The following PLEKHH1 variants were observed in gnomAD, a reference collection of about 807,000 sequenced individuals.
PLEKHH1 encodes the protein pleckstrin homology domain-containing family H member 1.
In PLEKHH1, 104 loss-of-function variants were observed where a neutral mutation model predicts 160.0. That is an observed-to-expected ratio of 0.65 (90% CI 0.55 to 0.76). The LOEUF (loss-of-function observed/expected upper bound fraction) is 0.76. PLEKHH1 is among the 30% of genes least tolerant of loss of function. PLEKHH1 has a pLI of 0.00. For missense variants in PLEKHH1, 1,427 were observed against 1,724.1 expected (o/e 0.83, Z 3.05); for synonymous variants, 619 against 678.4 (o/e 0.91, Z 1.36).
At chr14:67,544,760 G>C (rs944964329) in intron 2 of PLEKHH1, among the ~76,000 whole-genome samples, 8 of 152,214 alleles carry the variant, frequency 5.3e-5, no homozygotes, top group African/African-American at 1.4e-4. Flanking sequence ...TTAAACATCA[G>C]ATTAGGCACC....
At position 67,562,268 on chromosome 14, in the gene PLEKHH1, G is replaced by T; in HGVS notation, c.637G>T (p.Ala213Ser). 2 of 1,613,522 alleles carry T rather than the reference G, an allele frequency of 1.2e-6. No individual in the cohort carries two copies. The highest frequency in any genetic ancestry group is 2.2e-5 in the South Asian group (2 of 90,988). ...TGGCTCCCAGGCCCAGGGTCTGAAG[G>T]CAGCTGTGCTTGCACCTTCCCCAGG... is the stretch of plus-strand genomic sequence containing the variant. Reference protein sequence around the residue: ...DSGSQAQGLKAAVLAPSPGAL... With the variant: ...DSGSQAQGLKSAVLAPSPGAL... Residue 213 changes from alanine (A) to serine (S), a missense_variant, in exon 7 of 29, where the codon GCA (alanine) becomes TCA (serine). This residue lies in a region of PLEKHH1 where 831 missense variants were observed against 929.2 expected (regional missense o/e 0.89). Coordinates refer to ENST00000329153, the MANE Select transcript of PLEKHH1 (RefSeq NM_020715.3).
chr14:67,582,038 G>T lies in PLEKHH1; in HGVS notation c.3285-31G>T, dbSNP rs762259284. ...CCCATCCCTGTTTGGAATCCCTGCTGAGTCCTGGTTTCTTATTCTCTTCTT... is the reference window on the plus strand; with the variant it reads ...CCCATCCCTGTTTGGAATCCCTGCTTAGTCCTGGTTTCTTATTCTCTTCTT... On this transcript the variant is annotated intron_variant, in intron 23 of 28. Coordinates refer to ENST00000329153, the MANE Select transcript of PLEKHH1 (RefSeq NM_020715.3). This position sits in a 1 kb window ranked among gnomAD's most constrained non-coding sequence, Gnocchi z 5.0. 6.3e-7 allele frequency: 1 copy of T among 1,593,048 alleles called. No individual in the cohort carries two copies. Among genetic ancestry groups the T allele is most frequent in the South Asian group, 1.1e-5 (1 of 88,130 alleles).
rs1276387326 is a variant in PLEKHH1 at position 67,578,775 on chromosome 14, G to A, written c.2849+144G>A. The A allele has an allele frequency of 7.4e-6, 5 of 675,376 alleles. No individual in the cohort carries two copies. The highest frequency in any genetic ancestry group is 4.2e-5 in the Admixed American group (2 of 47,614). 41.8% of individuals were successfully genotyped at this position (675,376 alleles called of 1,614,324 possible). On this transcript the variant is annotated intron_variant, in intron 20 of 28. Coordinates refer to ENST00000329153, the MANE Select transcript of PLEKHH1 (RefSeq NM_020715.3). This position sits in a 1 kb window ranked among gnomAD's most constrained non-coding sequence, Gnocchi z 5.0. ...GGTCGTGGAGACTTCACCCATTGCC[G>A]TGTGCACAAATGGGCACGTGTGGAT... is the stretch of plus-strand genomic sequence containing the variant.
Position 67,569,232 on chromosome 14 carries a change from G to A in PLEKHH1, c.1342+16G>A, listed in dbSNP as rs1312356224. ...GCATGCTGCGGTGAGTTCCAAGTGAGGCTTGGAGGCACCAAACACCCAAGG... is the reference window on the plus strand; with the variant it reads ...GCATGCTGCGGTGAGTTCCAAGTGAAGCTTGGAGGCACCAAACACCCAAGG... On this transcript the variant is annotated intron_variant, in intron 8 of 28. Transcript: ENST00000329153. 1.3e-6 allele frequency: 2 copies of A among 1,578,716 alleles called. No homozygotes were observed. The highest frequency in any genetic ancestry group is 2.7e-5 in the African/African-American group (2 of 74,228).
chr14:67,552,467 A>T (rs1476995144), intron 2 of PLEKHH1, among the ~76,000 whole-genome samples: 1 of 152,230 alleles, frequency 6.6e-6, no homozygotes. Context: ...GTGTCCTTGC[A>T]GGGTGGATAA....
rs755516653 is a variant in PLEKHH1 at position 67,579,743 on chromosome 14, C to G, written c.3050C>G (p.Ser1017Cys). The G allele has an allele frequency of 1.2e-6, 2 of 1,612,888 alleles. No individual in the cohort carries two copies. Among genetic ancestry groups the G allele is most frequent in the East Asian group, 4.5e-5 (2 of 44,860 alleles). Reference sequence around the variant, plus strand: ...CAGGTGGTTGGTTTTGACGGCTCTTCCACGGTTGATGAGTTCCTCCAGCGG... The same window carrying G: ...CAGGTGGTTGGTTTTGACGGCTCTTGCACGGTTGATGAGTTCCTCCAGCGG... ...TYHVVGFDGS[S>C]TVDEFLQRLN... is the part of the protein sequence containing the mutation. Residue 1017 changes from serine to cysteine, a missense_variant, in exon 22 of 29, where the codon TCC becomes TGC. Transcript: ENST00000329153.
chr14:67,586,926 T>C (rs1464294072), intron 28 of PLEKHH1, 148 bp from the exon 29 acceptor site: 6 of 1,541,426 alleles, frequency 3.9e-6, no homozygotes, highest in Non-Finnish European at 8.7e-7. Flanking sequence ...ACAGTTATGA[T>C]TCCCTTTGGA....
rs369160231 is a variant in PLEKHH1 at position 67,557,342 on chromosome 14, A to G, written c.263A>G (p.Lys88Arg). The change falls in exon 4 of 29, where the codon AAA becomes AGA. Residue 88 changes from lysine to arginine, a missense_variant. Lys to Arg is a conservative substitution (Grantham distance 26). This residue lies in a region of PLEKHH1 where 831 missense variants were observed against 929.2 expected (regional missense o/e 0.89). Coordinates refer to ENST00000329153, the MANE Select transcript of PLEKHH1 (RefSeq NM_020715.3). ...NVDSEGSLHR[K>R]YQELLKAIKG... is the part of the protein sequence containing the mutation. ...GACTCTGAGGGGAGCCTGCACCGGA[A>G]ATACCAAGAATTGCTGAAAGCCATA... 83 of 1,613,926 alleles carry G rather than the reference A, an allele frequency of 5.1e-5. 1 individual carries two copies. In the South Asian group the frequency reaches 7.4e-4, roughly 14 times the overall value.
chr14:67,568,270 A>G (rs985937248), intron 7 of PLEKHH1, among the ~76,000 whole-genome samples: 10 of 152,228 alleles, frequency 6.6e-5, no homozygotes, highest in Non-Finnish European at 1.3e-4. Flanking sequence ...AGCCATAAAC[A>G]GGAATGAGGT....
In PLEKHH1 at chr14:67,554,122, G is replaced by GA. The variant is rs541792150; in HGVS notation, c.127-1696dup. 1.3e-3 allele frequency among the ~76,000 whole-genome samples: 193 copies of GA among 152,202 alleles called. 5 individuals carry two copies. The East Asian group carries it at 0.026, about 21-fold the overall frequency. On this transcript the variant is annotated intron_variant, in intron 2 of 28. Transcript: ENST00000329153. ...TGTGTCTCCCCAGTCCCAGAAAGGAGAAAAAAATGGATGAGGGAAGGCCAC... is the reference window on the plus strand; with the variant it reads ...TGTGTCTCCCCAGTCCCAGAAAGGAGAAAAAAAATGGATGAGGGAAGGCCAC...
intron 1 of PLEKHH1, among the ~76,000 whole-genome samples, chr14:67,536,971 C>T (rs946110184): frequency 5.3e-5 from 8 of 150,728 alleles, no homozygotes; most frequent in Admixed American, 6.6e-5. Context: ...ACCTGAGAGG[C>T]GGAGGTTGCA....
rs1042984734 is a variant in PLEKHH1 at position 67,574,504 on chromosome 14, T to C, written c.2088+101T>C. 2 of 969,132 alleles carry C rather than the reference T, an allele frequency of 2.1e-6. No individual in the cohort carries two copies. The highest frequency in any genetic ancestry group is 2.3e-5 in the South Asian group (1 of 43,286). 60.0% of individuals were successfully genotyped at this position (969,132 alleles called of 1,614,324 possible). A position where few individuals can be genotyped will look rare whatever the true frequency, so the allele number is the denominator to read the frequency against. On this transcript the variant is annotated intron_variant, in intron 14 of 28. Coordinates refer to ENST00000329153, the MANE Select transcript of PLEKHH1 (RefSeq NM_020715.3). The surrounding 1 kb of genome is among the most constrained non-coding windows in gnomAD (Gnocchi z 4.2). ...TGGTGGGTTCCCCCTTATACGGGGCTCCTTTCTCTGGGAGCCTCCTCACAG... is the reference window on the plus strand; with the variant it reads ...TGGTGGGTTCCCCCTTATACGGGGCCCCTTTCTCTGGGAGCCTCCTCACAG...
In PLEKHH1 at chr14:67,575,990, C is replaced by T; in HGVS notation, c.2337C>T (p.Gly779=). The change falls in exon 16 of 29, where the codon GGC becomes GGT. Residue 779 remains glycine (G), a synonymous_variant. Coordinates refer to ENST00000329153, the MANE Select transcript of PLEKHH1 (RefSeq NM_020715.3). ...TEHSPTYLLI[G]TKHEKDTWLY... is the part of the protein sequence containing the mutation. ...ACAGCCCCACCTACCTCCTCATTGG[C>T]ACCAAGCATGAAAAGGTAAGGAAGA... The T allele has an allele frequency of 6.2e-7, 1 of 1,611,756 alleles. No individual in the cohort carries two copies. Among genetic ancestry groups the T allele is most frequent in the South Asian group, 1.1e-5 (1 of 90,934 alleles).
chr14:67,572,218 C>A lies in PLEKHH1; in HGVS notation c.1669C>A (p.Pro557Thr), dbSNP rs1372161793. 1 of 1,609,298 alleles carries A rather than the reference C, an allele frequency of 6.2e-7. No individual in the cohort carries two copies. Among genetic ancestry groups the A allele is most frequent in the Non-Finnish European group, 8.5e-7 (1 of 1,178,190 alleles). The change falls in exon 11 of 29, where the codon CCT becomes ACT. Residue 557 changes from proline (P) to threonine (T), a missense_variant. Pro to Thr is a conservative substitution (Grantham distance 38). This residue lies in a region of PLEKHH1 where 831 missense variants were observed against 929.2 expected (regional missense o/e 0.89). Transcript: ENST00000329153. ...ACSLDSDYSE[P>T]EHKLQRTSSY... ...CTCACTGGACAGTGACTACTCAGAG[C>A]CTGAGCACAAACTGCAGCGCACCTC...
At chr14:67,584,239 T>C in intron 26 of PLEKHH1, 115 bp downstream of exon 26, 1 of 1,015,436 alleles carries the variant, frequency 9.8e-7, no homozygotes. Flanking sequence ...CAGAGGTCAC[T>C]ATCCCTCCAC....
chr14:67,568,625 A>T (rs2035222707), intron 7 of PLEKHH1, among the ~76,000 whole-genome samples: 1 of 152,186 alleles, frequency 6.6e-6, no homozygotes. Flanking sequence ...TTTTAAAAAA[A>T]GAAACAATAG....
intron 1 of PLEKHH1, among the ~76,000 whole-genome samples, chr14:67,538,451 G>A (rs891864371): frequency 6.6e-6 from 1 of 152,228 alleles, no homozygotes; most frequent in Non-Finnish European, 1.5e-5. Flanking sequence ...GCTTTGACAA[G>A]TTACAAACTC....
chr14:67,577,057 C>T (rs573280270), intron 17 of PLEKHH1, among the ~76,000 whole-genome samples: 2 of 152,326 alleles, frequency 1.3e-5, no homozygotes, highest in South Asian at 4.1e-4. Context: ...TGCACTCAGA[C>T]ACCCACAACC....
intron 23 of PLEKHH1, among the ~76,000 whole-genome samples, chr14:67,581,394 A>G (rs1044599605): frequency 1.3e-5 from 2 of 152,096 alleles, no homozygotes; most frequent in African/African-American, 2.4e-5. Context: ...GCATGGTGGC[A>G]TGTACCTGTA....
Sources: gnomAD v4.1 joint callset for allele counts (sites outside exome capture counted in the v4.1 genomes callset) on GRCh38, gnomAD v4.1.1 for gene constraint, gnomAD v4.1.1 regional missense constraint, Gnocchi (gnomAD v3.1) non-coding constraint, MANE v1.5 for transcripts, NCBI Gene and HGNC (gene_info 2026-07-23, HGNC 2026-07-21) for gene names.